PITPNC1: variants seen among roughly 807,000 people sequenced by gnomAD.
PITPNC1 encodes phosphatidylinositol transfer protein cytoplasmic 1.
Under a neutral mutation model 44.7 loss-of-function variants are expected in PITPNC1, and 18 were observed. That is an observed-to-expected ratio of 0.40 (90% CI 0.28 to 0.60). The LOEUF (loss-of-function observed/expected upper bound fraction) is 0.60, where lower values mean the gene tolerates loss of function less well. Ranked by LOEUF, PITPNC1 falls within the 20% of genes least tolerant of loss-of-function variation. PITPNC1 has a pLI of 0.39. For synonymous variants in PITPNC1, 141 were observed against 149.6 expected (o/e 0.94, Z 0.42); for missense variants, 290 against 418.4 (o/e 0.69, Z 2.68).
intron 6 of PITPNC1, among the ~76,000 whole-genome samples, chr17:67,658,353 G>A (rs537828602): frequency 3.9e-5 from 6 of 152,094 alleles, no homozygotes; most frequent in South Asian, 2.1e-4. Flanking sequence ...CTACACTGTC[G>A]TGCCCACTTT....
intron 5 of PITPNC1, among the ~76,000 whole-genome samples, chr17:67,579,934 G>T (rs1255256098): frequency 3.0e-5 from 4 of 132,810 alleles, no homozygotes; most frequent in Non-Finnish European, 6.5e-5. Context: ...GCGAGACTCT[G>T]TCTCAAAAAA....
chr17:67,523,160 T>A (rs2040349786), intron 1 of PITPNC1, among the ~76,000 whole-genome samples: 1 of 152,216 alleles, frequency 6.6e-6, no homozygotes, highest in Admixed American at 6.5e-5. Flanking sequence ...TCTACGAACT[T>A]GACACTTCTA....
intron 8 of PITPNC1, chr17:67,687,094 C>T (rs1369111834): frequency 1.8e-5 from 29 of 1,609,896 alleles, no homozygotes; most frequent in African/African-American, 4.0e-5. Context: ...TTCGGGAATA[C>T]GAGAAAAACA....
intron 1 of PITPNC1, among the ~76,000 whole-genome samples, chr17:67,523,157 A>AAGT (rs2040349648): frequency 6.6e-6 from 1 of 152,152 alleles, no homozygotes; most frequent in Admixed American, 6.5e-5. Context: ...GTCTCTACGA[A>AAGT]CTTGACACTT....
chr17:67,576,339 A>G (rs1361721897), intron 4 of PITPNC1, among the ~76,000 whole-genome samples: 1 of 152,058 alleles, frequency 6.6e-6, no homozygotes, highest in Admixed American at 6.5e-5. Flanking sequence ...CCATCTCCTC[A>G]TCTTTAAAGC....
In PITPNC1 at chr17:67,597,137, C is replaced by T. The variant is rs528271985; in HGVS notation, c.366+18880C>T. ...TTGAACCCCTGGGCTCAAGTGATGC[C>T]CCCACCTTGGCCTCCCAAACTGCTG... is the stretch of plus-strand genomic sequence containing the variant. On this transcript the variant is annotated intron_variant, in intron 5 of 8. Transcript: ENST00000581322. The surrounding 1 kb of genome is among the most constrained non-coding windows in gnomAD (Gnocchi z 4.0). Among the ~76,000 whole-genome samples the T allele has an allele frequency of 2.3e-3, 346 of 152,078 alleles. No individual in the cohort carries two copies. The highest frequency in any genetic ancestry group is 8.1e-3 in the African/African-American group (336 of 41,474).
chr17:67,625,424 C>T (rs891369142), intron 5 of PITPNC1, among the ~76,000 whole-genome samples: 2 of 152,154 alleles, frequency 1.3e-5, no homozygotes, highest in Non-Finnish European at 2.9e-5. Flanking sequence ...CCTCCAAGAG[C>T]CGGGAGTTGT....
In PITPNC1 at chr17:67,378,107, G is replaced by C. The variant is rs1348030394; in HGVS notation, c.-48G>C. 7.1e-7 allele frequency: 1 copy of C among 1,416,926 alleles called. No homozygotes were observed. The highest frequency in any genetic ancestry group is 1.5e-5 in the African/African-American group (1 of 65,402). 87.8% of individuals were successfully genotyped at this position (1,416,926 alleles called of 1,614,324 possible). A position where few individuals can be genotyped will look rare whatever the true frequency, so the allele number is the denominator to read the frequency against. On this transcript the variant is annotated 5_prime_UTR_variant, in exon 1 of 9. Transcript: ENST00000581322. ...CCTGGGCAGCAGCCTTGCTGGTCTTGGGGGCGCCCCCCGCTTCCCGCCCCG... is the reference window on the plus strand; with the variant it reads ...CCTGGGCAGCAGCCTTGCTGGTCTTCGGGGCGCCCCCCGCTTCCCGCCCCG...
intron 1 of PITPNC1, among the ~76,000 whole-genome samples, chr17:67,434,797 CAAAAA>C (rs148706274): frequency 3.9e-5 from 2 of 51,796 alleles, no homozygotes; most frequent in Admixed American, 1.6e-4. Flanking sequence ...GACTCTGCCT[CAAAAA>C]AAAAAAAAAA....
intron 1 of PITPNC1, among the ~76,000 whole-genome samples, chr17:67,411,970 A>G (rs1567979700): frequency 6.6e-6 from 1 of 152,078 alleles, no homozygotes; most frequent in Non-Finnish European, 1.5e-5. Context: ...ATGGTACTGC[A>G]CTTCTTCTGG....
chr17:67,410,197 A>G (rs867262200), intron 1 of PITPNC1, among the ~76,000 whole-genome samples: 7 of 152,252 alleles, frequency 4.6e-5, no homozygotes, highest in Non-Finnish European at 8.8e-5. Flanking sequence ...TTTGCCTTTT[A>G]GGCCTCTAAT....
At chr17:67,469,453 GTT>G (rs1252575717) in intron 1 of PITPNC1, among the ~76,000 whole-genome samples, 2 of 152,196 alleles carry the variant, frequency 1.3e-5, no homozygotes, top group South Asian at 2.1e-4. Context: ...CAGCCTCTGT[GTT>G]TTAACAAGAT....
chr17:67,379,674 A>C (rs1040468873), intron 1 of PITPNC1, among the ~76,000 whole-genome samples: 2 of 152,162 alleles, frequency 1.3e-5, no homozygotes, highest in Admixed American at 1.3e-4. Context: ...GGGACTGGTT[A>C]ATAGGAGTCT....
At chr17:67,539,878 T>C (rs2040581451) in intron 2 of PITPNC1, among the ~76,000 whole-genome samples, 1 of 152,074 alleles carries the variant, frequency 6.6e-6, no homozygotes, top group Admixed American at 6.6e-5. Flanking sequence ...ACATATAGTA[T>C]GATGCCATTT....
chr17:67,675,733 A>G (rs1366263906), intron 8 of PITPNC1, among the ~76,000 whole-genome samples, 191 bp downstream of exon 8: 1 of 152,238 alleles, frequency 6.6e-6, no homozygotes, highest in Non-Finnish European at 1.5e-5. Context: ...AAATAACCAC[A>G]GAATTATTGA....
At position 67,636,413 on chromosome 17, in the gene PITPNC1, C is replaced by T. The variant is rs186210788; in HGVS notation, c.462+4175C>T. Among the ~76,000 whole-genome samples, 263 of 152,236 alleles carry T rather than the reference C, an allele frequency of 1.7e-3. 2 individuals are homozygous for T. The highest frequency in any genetic ancestry group is 5.9e-3 in the African/African-American group (246 of 41,540). ...CTGGATTCAGCTTTGACGCTCAGGGCCACCCCTGGCCCGCCCTGGAGTCTT... is the reference window on the plus strand; with the variant it reads ...CTGGATTCAGCTTTGACGCTCAGGGTCACCCCTGGCCCGCCCTGGAGTCTT... On this transcript the variant is annotated intron_variant, in intron 6 of 8. Coordinates refer to ENST00000581322, the MANE Select transcript of PITPNC1 (RefSeq NM_012417.4).
intron 1 of PITPNC1, among the ~76,000 whole-genome samples, chr17:67,390,754 A>T (rs2038126243): frequency 6.6e-6 from 1 of 152,186 alleles, no homozygotes; most frequent in Non-Finnish European, 1.5e-5. Context: ...TGCAGAGGAC[A>T]CACTGTCTTG....
chr17:67,513,494 T>C (rs2040219202), intron 1 of PITPNC1, among the ~76,000 whole-genome samples: 2 of 143,842 alleles, frequency 1.4e-5, no homozygotes, highest in South Asian at 4.2e-4. Context: ...TGTGTGTATA[T>C]ATATATATAT....
At chr17:67,626,507 T>C (rs2041897185) in intron 5 of PITPNC1, among the ~76,000 whole-genome samples, 1 of 152,054 alleles carries the variant, frequency 6.6e-6, no homozygotes, top group Admixed American at 6.6e-5. Flanking sequence ...GTAGCTGGGA[T>C]TACAGGCACA....
Sources: allele counts gnomAD v4.1 joint callset (sites outside exome capture counted in the v4.1 genomes callset), GRCh38; gene constraint gnomAD v4.1.1; non-coding constraint Gnocchi (gnomAD v3.1); transcripts MANE v1.5; gene names NCBI Gene and HGNC (gene_info 2026-07-23, HGNC 2026-07-21).